Variants in FTO observed in about 807,000 individuals in gnomAD.
FTO encodes alpha-ketoglutarate-dependent dioxygenase FTO.
FTO carries 47 observed loss-of-function variants against 63.9 expected under a neutral mutation model. The ratio of observed to expected loss-of-function variants is 0.74; its 90% CI spans 0.58 to 0.94. The LOEUF (loss-of-function observed/expected upper bound fraction) is 0.94, where lower values mean the gene tolerates loss of function less well. FTO is among the 40% of genes least tolerant of loss of function. The pLI is 0.00. For missense variants in FTO, 562 were observed against 618.1 expected, an observed-to-expected ratio of 0.91 and a Z score of 0.96; for synonymous variants, 207 against 224.4, an observed-to-expected ratio of 0.92 and a Z score of 0.69.
intron 4 of FTO, among the ~76,000 whole-genome samples, chr16:53,868,508 A>G (rs79858470): frequency 0.029 from 4,387 of 152,152 alleles, 234 homozygotes; most frequent in African/African-American, 0.1. Context: ...TCTTATACTC[A>G]TTGCTATCAT....
At chr16:53,978,895 A>T (rs2083482862) in intron 8 of FTO, among the ~76,000 whole-genome samples, 1 of 152,106 alleles carries the variant, frequency 6.6e-6, no homozygotes, top group Admixed American at 6.5e-5. Context: ...GCAACTCGGG[A>T]GGCTGAGGCA....
At chr16:53,980,285 C>A (rs1393234109) in intron 8 of FTO, among the ~76,000 whole-genome samples, 1 of 152,154 alleles carries the variant, frequency 6.6e-6, no homozygotes, top group Non-Finnish European at 1.5e-5. Context: ...AAATTAGTAA[C>A]TAACCTCTGC....
intron 1 of FTO, among the ~76,000 whole-genome samples, chr16:53,756,268 C>T (rs538076151): frequency 3.3e-5 from 5 of 152,244 alleles, no homozygotes; most frequent in Non-Finnish European, 7.4e-5. Flanking sequence ...GTCTTCATGG[C>T]CTTCTGTAAT....
At chr16:54,045,050 T>C (rs1211103615) in intron 8 of FTO, among the ~76,000 whole-genome samples, 3 of 91,600 alleles carry the variant, frequency 3.3e-5, no homozygotes, top group Admixed American at 1.1e-4. Context: ...TTAAAAGAAC[T>C]AGAAAAGCAA....
intron 8 of FTO, among the ~76,000 whole-genome samples, chr16:54,109,565 C>G (rs534406483): frequency 6.6e-6 from 1 of 152,320 alleles, no homozygotes; most frequent in East Asian, 1.9e-4. Flanking sequence ...CTCTTGGCCT[C>G]AAGTGATCTG....
At chr16:54,008,912 T>C (rs2084274794) in intron 8 of FTO, among the ~76,000 whole-genome samples, 1 of 151,738 alleles carries the variant, frequency 6.6e-6, no homozygotes, top group Non-Finnish European at 1.5e-5. Flanking sequence ...CTTGGGAGGC[T>C]GAGGTAGGAG....
At chr16:54,079,408 A>G (rs975837348) in intron 8 of FTO, among the ~76,000 whole-genome samples, 12 of 152,240 alleles carry the variant, frequency 7.9e-5, no homozygotes, top group African/African-American at 2.9e-4. Flanking sequence ...AGAAGAAAAT[A>G]CATAAGTAAA....
At chr16:53,948,952 G>A (rs898642305) in intron 8 of FTO, among the ~76,000 whole-genome samples, 1 of 152,168 alleles carries the variant, frequency 6.6e-6, no homozygotes, top group Non-Finnish European at 1.5e-5. Context: ...GTTCTTGCGC[G>A]TGAGTGTGTA....
At chr16:54,001,657 C>T (rs1162174401) in intron 8 of FTO, among the ~76,000 whole-genome samples, 2 of 152,078 alleles carry the variant, frequency 1.3e-5, no homozygotes, top group African/African-American at 4.8e-5. Flanking sequence ...ACCGGATAAC[C>T]CCTCCCCTTT....
At chr16:54,009,878 A>AC (rs1179046455) in intron 8 of FTO, among the ~76,000 whole-genome samples, 2 of 151,544 alleles carry the variant, frequency 1.3e-5, no homozygotes, top group African/African-American at 2.4e-5. Flanking sequence ...ACTCAACCTG[A>AC]CCCCCCTTCA....
intron 8 of FTO, chr16:54,061,834 G>A (rs2085584435): frequency 6.6e-6 from 1 of 152,162 alleles, no homozygotes; most frequent in Admixed American, 6.5e-5. Flanking sequence ...TGACTTTGGA[G>A]GGCTCTGTGA....
At chr16:53,773,432 T>C (rs992405607) in intron 1 of FTO, among the ~76,000 whole-genome samples, 1 of 152,132 alleles carries the variant, frequency 6.6e-6, no homozygotes, top group Non-Finnish European at 1.5e-5. Context: ...AATTGTTTTA[T>C]TGGTACAGGG....
intron 1 of FTO, among the ~76,000 whole-genome samples, chr16:53,721,167 T>C (rs1171408049): frequency 1.3e-5 from 2 of 152,166 alleles, no homozygotes; most frequent in African/African-American, 2.4e-5. Flanking sequence ...CCCAATCACG[T>C]TGCTTCTCCC....
intron 7 of FTO, among the ~76,000 whole-genome samples, chr16:53,912,045 C>T (rs148429227): frequency 2.0e-5 from 3 of 152,326 alleles, no homozygotes; most frequent in African/African-American, 4.8e-5. Flanking sequence ...CATTTTGTTG[C>T]AAATTGCATG....
At chr16:53,918,965 A>T (rs771708831) in intron 7 of FTO, among the ~76,000 whole-genome samples, 64 of 152,178 alleles carry the variant, frequency 4.2e-4, no homozygotes, top group Non-Finnish European at 8.1e-4. Flanking sequence ...TGTGATTAAT[A>T]CTTGCTCTAC....
chr16:54,040,337 A>G (rs1220237275), intron 8 of FTO: 1 of 152,236 alleles, frequency 6.6e-6, no homozygotes, highest in Admixed American at 6.5e-5. Flanking sequence ...GCAAAATCTC[A>G]GTTACACTAA....
At chr16:54,005,733 G>T (rs1197198528) in intron 8 of FTO, among the ~76,000 whole-genome samples, 1 of 152,118 alleles carries the variant, frequency 6.6e-6, no homozygotes. Context: ...CATAATCCTT[G>T]CCTTCAAAGA....
intron 2 of FTO, among the ~76,000 whole-genome samples, chr16:53,817,353 G>T (rs1222453968): frequency 6.6e-6 from 1 of 152,170 alleles, no homozygotes; most frequent in Non-Finnish European, 1.5e-5. Context: ...TGGGTCAGAC[G>T]AGTGTTTAGC....
intron 8 of FTO, among the ~76,000 whole-genome samples, chr16:53,947,342 A>G (rs888501455): frequency 6.6e-5 from 10 of 152,206 alleles, no homozygotes; most frequent in Admixed American, 6.5e-4. Flanking sequence ...AACTTGTTGT[A>G]GGTAGGCAGG....
Sources: gnomAD v4.1 joint callset for allele counts (sites outside exome capture counted in the v4.1 genomes callset) on GRCh38, gnomAD v4.1.1 for gene constraint, MANE v1.5 for transcripts, NCBI Gene and HGNC (gene_info 2026-07-23, HGNC 2026-07-21) for gene names.